TM9SF3: variants seen among roughly 807,000 people sequenced by gnomAD.
TM9SF3 encodes transmembrane 9 superfamily member 3.
Under a neutral mutation model 78.6 loss-of-function variants are expected in TM9SF3, and 14 were observed. That is an observed-to-expected ratio of 0.18 (90% CI 0.12 to 0.28). The LOEUF (loss-of-function observed/expected upper bound fraction) is 0.28, where lower values mean the gene tolerates loss of function less well. Among genes scored for constraint, TM9SF3 ranks in the 10% least tolerant of loss-of-function variants. The pLI, the probability that TM9SF3 is intolerant of heterozygous loss-of-function variation, is 1.00. For synonymous variants in TM9SF3, 231 were observed against 241.7 expected (o/e 0.96, Z 0.41); for missense variants, 496 against 721.9 (o/e 0.69, Z 3.59).
At chr10:96,540,278 A>G (rs1378982372) in intron 9 of TM9SF3, among the ~76,000 whole-genome samples, 1 of 152,194 alleles carries the variant, frequency 6.6e-6, no homozygotes, top group Admixed American at 6.5e-5. Context: ...GCATGTACAT[A>G]CTATGGCTAA....
intron 8 of TM9SF3, 83 bp downstream of exon 8, chr10:96,547,810 ACT>A: frequency 8.9e-7 from 1 of 1,124,032 alleles, no homozygotes; most frequent in Non-Finnish European, 1.3e-6. Context: ...ATGGAGTGAG[ACT>A]CTCTCAAAAC....
intron 8 of TM9SF3, among the ~76,000 whole-genome samples, chr10:96,545,778 A>G (rs1848090020): frequency 1.3e-5 from 2 of 152,130 alleles, no homozygotes. Flanking sequence ...AATCCTAGCT[A>G]TTGAGCAGGC....
intron 10 of TM9SF3, 26 bp downstream of exon 10, chr10:96,533,025 C>T (rs748854744): frequency 5.0e-6 from 8 of 1,612,150 alleles, no homozygotes; most frequent in Non-Finnish European, 5.9e-6. Context: ...GTGAAACAAT[C>T]GCATAAGATT....
At chr10:96,534,815 T>C (rs1847936883) in intron 9 of TM9SF3, among the ~76,000 whole-genome samples, 1 of 152,236 alleles carries the variant, frequency 6.6e-6, no homozygotes, top group South Asian at 2.1e-4. Flanking sequence ...AATATCAGTA[T>C]ACTGGAGATA....
intron 9 of TM9SF3, among the ~76,000 whole-genome samples, chr10:96,543,381 C>G (rs1315148560): frequency 1.5e-5 from 2 of 130,530 alleles, no homozygotes; most frequent in African/African-American, 5.9e-5. Flanking sequence ...GTCGCCCAGG[C>G]TGGAGTGCAG....
At chr10:96,560,262 C>T in intron 4 of TM9SF3, 1 of 786,988 alleles carries the variant, frequency 1.3e-6, no homozygotes, top group Non-Finnish European at 2.2e-6. Flanking sequence ...TAAAGGCCAA[C>T]AAAGATGATC....
At chr10:96,538,088 ACT>A (rs1429554333) in intron 9 of TM9SF3, among the ~76,000 whole-genome samples, 1 of 152,190 alleles carries the variant, frequency 6.6e-6, no homozygotes, top group Non-Finnish European at 1.5e-5. Flanking sequence ...AGCCAAAACA[ACT>A]TTGAAAAAGA....
At chr10:96,559,091 T>G (rs1848271359) in intron 5 of TM9SF3, among the ~76,000 whole-genome samples, 1 of 152,212 alleles carries the variant, frequency 6.6e-6, no homozygotes, top group South Asian at 2.1e-4. Context: ...CCATTCTTGA[T>G]GTTTCTTTCT....
chr10:96,537,331 C>T (rs1589449001), intron 9 of TM9SF3, among the ~76,000 whole-genome samples: 1 of 152,110 alleles, frequency 6.6e-6, no homozygotes, highest in East Asian at 1.9e-4. Flanking sequence ...GTATTCAGTA[C>T]AATAATATGC....
chr10:96,532,981 A>ATG, intron 10 of TM9SF3, 70 bp downstream of exon 10: 2 of 1,544,894 alleles, frequency 1.3e-6, no homozygotes, highest in Non-Finnish European at 1.8e-6. Context: ...CTAAAGTTAC[A>ATG]TGTACACAAC....
intron 5 of TM9SF3, among the ~76,000 whole-genome samples, chr10:96,555,966 TAG>T (rs1364808120): frequency 1.3e-5 from 2 of 152,166 alleles, no homozygotes; most frequent in Non-Finnish European, 2.9e-5. Flanking sequence ...CTATACTAAT[TAG>T]ACACACATAA....
rs1295088230 is a variant in TM9SF3 at position 96,518,306 on chromosome 10, T to C, written c.*3957A>G. 6.6e-6 allele frequency: 1 copy of C among 152,168 alleles called. No homozygotes were observed. The highest frequency in any genetic ancestry group is 1.5e-5 in the Non-Finnish European group (1 of 67,992). The allele number at this position is 152,168 out of a possible 1,614,324, so 9.4% of individuals were successfully genotyped here. ...CAGGCAATAATTGTTTCCTTGGAAC[T>C]CTGCACCGACTGTCCATGCTCTGTG... On this transcript the variant is annotated 3_prime_UTR_variant, in exon 15 of 15. Coordinates refer to ENST00000371142, the MANE Select transcript of TM9SF3 (RefSeq NM_020123.4).
rs188979357 is a variant in TM9SF3 at position 96,583,188 on chromosome 10, T to C, written c.102+3546A>G. Reference sequence around the variant, plus strand: ...AATTCAGTAGGTACAGTAAGAGATATCAGGGGCTTTGGGGAATGGGCATAA... The same window carrying C: ...AATTCAGTAGGTACAGTAAGAGATACCAGGGGCTTTGGGGAATGGGCATAA... On this transcript the variant is annotated intron_variant, in intron 1 of 14. Transcript: ENST00000371142. Among the ~76,000 whole-genome samples the C allele has an allele frequency of 1.5e-3, 222 of 152,132 alleles. 1 individual carries two copies. Among genetic ancestry groups the C allele is most frequent in the South Asian group, 4.6e-3 (22 of 4,822 alleles).
chr10:96,573,055 T>C lies in TM9SF3; in HGVS notation c.298+3579A>G, dbSNP rs553827550. Among the ~76,000 whole-genome samples, 7 of 152,342 alleles carry C rather than the reference T, an allele frequency of 4.6e-5. No individual in the cohort carries two copies. In the East Asian group the frequency reaches 9.6e-4, roughly 21 times the overall value. On this transcript the variant is annotated intron_variant, in intron 2 of 14. Coordinates refer to ENST00000371142, the MANE Select transcript of TM9SF3 (RefSeq NM_020123.4). ...GTGTGTGTATGCATATGTAAACATGTATGTATGTGTACGTATAGTTTTCTC... is the reference window on the plus strand; with the variant it reads ...GTGTGTGTATGCATATGTAAACATGCATGTATGTGTACGTATAGTTTTCTC...
At position 96,527,237 on chromosome 10, in the gene TM9SF3, T is replaced by C; in HGVS notation, c.1678A>G (p.Ser560Gly). 6.2e-7 allele frequency: 1 copy of C among 1,611,470 alleles called. No homozygotes were observed. The highest frequency in any genetic ancestry group is 8.5e-7 in the Non-Finnish European group (1 of 1,178,794). ...SFYFGYMAVF[S>G]TALGIMCGAI... ...CCACACATTATCCCCAAGGCTGTGC[T>C]AAATACCGCCATATATCCAAAGTAA... Residue 560 changes from serine to glycine, a missense_variant, in exon 14 of 15, where the codon AGC (serine) becomes GGC (glycine). Coordinates refer to ENST00000371142, the MANE Select transcript of TM9SF3 (RefSeq NM_020123.4).
intron 14 of TM9SF3, among the ~76,000 whole-genome samples, chr10:96,523,186 C>T (rs1461486576): frequency 1.3e-5 from 2 of 151,820 alleles, no homozygotes; most frequent in African/African-American, 4.8e-5. Flanking sequence ...TAGGACAATG[C>T]AGTTGGTTAT....
At chr10:96,537,530 C>T (rs1233260110) in intron 9 of TM9SF3, among the ~76,000 whole-genome samples, 1 of 152,152 alleles carries the variant, frequency 6.6e-6, no homozygotes, top group Non-Finnish European at 1.5e-5. Flanking sequence ...AATAAACGAT[C>T]AGAATTTGAA....
intron 5 of TM9SF3, among the ~76,000 whole-genome samples, chr10:96,556,218 C>T (rs1848232169): frequency 7.2e-6 from 1 of 138,308 alleles, no homozygotes; most frequent in South Asian, 2.5e-4. Flanking sequence ...GTCACTAATC[C>T]TGAAGCTGCA....
intron 9 of TM9SF3, among the ~76,000 whole-genome samples, chr10:96,537,121 G>A (rs1847968791): frequency 6.6e-6 from 1 of 152,182 alleles, no homozygotes; most frequent in Non-Finnish European, 1.5e-5. Flanking sequence ...CAGTTGTACG[G>A]GCAGGGGGTA....
Sources: allele counts gnomAD v4.1 joint callset (sites outside exome capture counted in the v4.1 genomes callset), GRCh38; gene constraint gnomAD v4.1.1; transcripts MANE v1.5; gene names NCBI Gene and HGNC (gene_info 2026-07-23, HGNC 2026-07-21).